DCC: variants seen among roughly 807,000 people sequenced by gnomAD.
The protein encoded by DCC is netrin receptor DCC.
In DCC, 58 loss-of-function variants were observed where a neutral mutation model predicts 172.5. The ratio of observed to expected loss-of-function variants is 0.34; its 90% CI spans 0.27 to 0.42. The LOEUF is 0.42. DCC is among the 10% of genes least tolerant of loss of function. The pLI is 1.00. For missense variants in DCC, 1,740 were observed against 1,791.0 expected, an observed-to-expected ratio of 0.97 and a Z score of 0.51; for synonymous variants, 709 against 644.5, an observed-to-expected ratio of 1.10 and a Z score of -1.52.
At chr18:53,151,254 A>G (rs563428743) in intron 7 of DCC, among the ~76,000 whole-genome samples, 1 of 152,328 alleles carries the variant, frequency 6.6e-6, no homozygotes, top group Admixed American at 6.5e-5. Flanking sequence ...GAAATCATTT[A>G]GTGAGGTGGT....
chr18:52,844,059 A>T (rs1011946000), intron 2 of DCC, among the ~76,000 whole-genome samples: 1 of 152,166 alleles, frequency 6.6e-6, no homozygotes, highest in Non-Finnish European at 1.5e-5. Context: ...AAGAGAATTG[A>T]TCTCTCTTTG....
intron 1 of DCC, among the ~76,000 whole-genome samples, chr18:52,574,571 CTGATT>C (rs2033368256): frequency 6.6e-6 from 1 of 152,156 alleles, no homozygotes; most frequent in Non-Finnish European, 1.5e-5. Flanking sequence ...TAAAGCCAGA[CTGATT>C]TAAGTGTAAG....
chr18:52,511,256 G>A (rs1305658445), intron 1 of DCC, among the ~76,000 whole-genome samples: 1 of 145,542 alleles, frequency 6.9e-6, no homozygotes, highest in Non-Finnish European at 1.5e-5. Flanking sequence ...ACTCCAGCCT[G>A]GGCGACAGGG....
At chr18:53,127,435 C>T (rs1479514686) in intron 7 of DCC, among the ~76,000 whole-genome samples, 2 of 152,074 alleles carry the variant, frequency 1.3e-5, no homozygotes, top group African/African-American at 2.4e-5. Flanking sequence ...AAACTGGCTT[C>T]AGATATTGCC....
At chr18:53,397,671 CG>C (rs1909040370) in intron 18 of DCC, among the ~76,000 whole-genome samples, 1 of 152,120 alleles carries the variant, frequency 6.6e-6, no homozygotes, top group South Asian at 2.1e-4. Flanking sequence ...GATTAATACA[CG>C]GTTTCTTCAG....
At chr18:52,568,404 T>G (rs1333831985) in intron 1 of DCC, among the ~76,000 whole-genome samples, 1 of 151,954 alleles carries the variant, frequency 6.6e-6, no homozygotes, top group Non-Finnish European at 1.5e-5. Flanking sequence ...AGAAACAAAC[T>G]ATTGCCATAA....
At chr18:52,749,524 AAGCAGTG>A (rs1457245389) in intron 1 of DCC, among the ~76,000 whole-genome samples, 1 of 152,240 alleles carries the variant, frequency 6.6e-6, no homozygotes, top group Non-Finnish European at 1.5e-5. Flanking sequence ...AAGTTACTTA[AAGCAGTG>A]AGGTGCCTAT....
chr18:53,528,286 G>A (rs957341818), intron 28 of DCC, among the ~76,000 whole-genome samples: 3 of 152,038 alleles, frequency 2.0e-5, no homozygotes, highest in East Asian at 1.9e-4. Context: ...GTATGTGAGT[G>A]TGTCTGTAAA....
At chr18:53,433,652 A>G (rs1911763738) in intron 21 of DCC, among the ~76,000 whole-genome samples, 1 of 124,932 alleles carries the variant, frequency 8.0e-6, no homozygotes, top group Non-Finnish European at 2.0e-5. Flanking sequence ...TGAAACCCCA[A>G]ATGCATCACA....
rs2045396504 is a variant in DCC, at chr18:53,450,544, C to A, written c.3274C>A (p.Pro1092Thr). 1 of 1,613,958 alleles carries A rather than the reference C, an allele frequency of 6.2e-7. No homozygotes were observed. The highest frequency in any genetic ancestry group is 1.7e-5 in the Admixed American group (1 of 59,992). ...GCACCCCCCGCATGGCAGTGTCACT[C>A]CTCAGAAGAACAGCAACCTGCTTGT... ...QMHPPHGSVTPQKNSNLLVII... is the reference protein window; with the variant it reads ...QMHPPHGSVTTQKNSNLLVII... Residue 1092 changes from proline to threonine, a missense_variant, in exon 23 of 29, where the codon CCT becomes ACT. By Grantham distance (38) the Pro-to-Thr change is conservative. Coordinates refer to ENST00000442544, the MANE Select transcript of DCC (RefSeq NM_005215.4).
At chr18:53,476,345 C>A (rs1368490522) in intron 25 of DCC, among the ~76,000 whole-genome samples, 1 of 152,116 alleles carries the variant, frequency 6.6e-6, no homozygotes, top group Non-Finnish European at 1.5e-5. Context: ...TTGGCTGTGT[C>A]CCCACCCAAA....
intron 1 of DCC, among the ~76,000 whole-genome samples, chr18:52,455,151 G>T (rs182812276): frequency 7.2e-4 from 110 of 152,124 alleles, no homozygotes; most frequent in Non-Finnish European, 8.2e-4. Context: ...AAGATTACAA[G>T]CACAGATTTA....
intron 7 of DCC, among the ~76,000 whole-genome samples, chr18:53,088,529 T>C (rs1176603211): frequency 6.6e-6 from 1 of 152,096 alleles, no homozygotes; most frequent in Non-Finnish European, 1.5e-5. Context: ...TTTCTAGATA[T>C]ACAATCATGT....
At chr18:52,839,388 T>C (rs2038767089) in intron 2 of DCC, among the ~76,000 whole-genome samples, 1 of 152,126 alleles carries the variant, frequency 6.6e-6, no homozygotes, top group African/African-American at 2.4e-5. Flanking sequence ...GATAAGGTGA[T>C]CTTTGTCTCA....
At chr18:52,353,618 TGAA>T (rs1984228317) in intron 1 of DCC, among the ~76,000 whole-genome samples, 4 of 152,334 alleles carry the variant, frequency 2.6e-5, no homozygotes, top group Admixed American at 2.6e-4. Flanking sequence ...CAGAGGTTTT[TGAA>T]GAAGAGTAAA....
At chr18:53,198,825 G>GA (rs1388504660) in intron 9 of DCC, among the ~76,000 whole-genome samples, 1 of 152,160 alleles carries the variant, frequency 6.6e-6, no homozygotes, top group African/African-American at 2.4e-5. Context: ...CATCTATTCT[G>GA]AAATCTTTCC....
intron 5 of DCC, among the ~76,000 whole-genome samples, chr18:53,043,449 T>G (rs2042196967): frequency 6.6e-6 from 1 of 151,858 alleles, no homozygotes; most frequent in South Asian, 2.1e-4. Context: ...TCCCAGAACT[T>G]AAAATATAAT....
At chr18:52,784,101 C>G (rs1445101525) in intron 2 of DCC, among the ~76,000 whole-genome samples, 1 of 151,984 alleles carries the variant, frequency 6.6e-6, no homozygotes, top group Non-Finnish European at 1.5e-5. Flanking sequence ...CCTTCCTAGA[C>G]TCTCGTAACT....
At position 53,215,556 on chromosome 18, in the gene DCC, G is replaced by T. The variant is rs750409066; in HGVS notation, c.1870G>T (p.Ala624Ser). 9 of 1,613,724 alleles carry T rather than the reference G, an allele frequency of 5.6e-6. No homozygotes were observed. In the South Asian group the frequency reaches 9.9e-5, roughly 18 times the overall value. The change falls in exon 12 of 29, where the codon GCC becomes TCC. Residue 624 changes from alanine (A) to serine (S), a missense_variant. By Grantham distance (99) the Ala-to-Ser change is moderately conservative (BLOSUM62 1). Coordinates refer to ENST00000442544, the MANE Select transcript of DCC (RefSeq NM_005215.4). ...TVVTLSDVPS[A>S]PPQNVSLEVV... ...TGTTTGATTCCTTTTAGTGCCAAGT[G>T]CCCCGCCTCAGAACGTCTCCCTGGA...
Sources: gnomAD v4.1 joint callset for allele counts (sites outside exome capture counted in the v4.1 genomes callset) on GRCh38, gnomAD v4.1.1 for gene constraint, MANE v1.5 for transcripts, NCBI Gene and HGNC (gene_info 2026-07-23, HGNC 2026-07-21) for gene names.